Variants in NRG3 observed in about 807,000 individuals in gnomAD.
NRG3 encodes neuregulin 3, also known as pro-neuregulin-3, membrane-bound isoform.
Under a neutral mutation model 66.9 loss-of-function variants are expected in NRG3, and 31 were observed. The ratio of observed to expected loss-of-function variants is 0.46; its 90% CI spans 0.35 to 0.63. NRG3 has a LOEUF of 0.63. Among genes scored for constraint, NRG3 ranks in the 20% least tolerant of loss-of-function variants. NRG3 has a pLI of 0.00. For synonymous variants in NRG3, 393 were observed against 359.4 expected (o/e 1.09, Z -1.06); for missense variants, 910 against 878.9 (o/e 1.04, Z -0.45).
chr10:82,706,469 A>C lies in NRG3; in HGVS notation c.954-32108A>C, dbSNP rs558575202. On this transcript the variant is annotated intron_variant, in intron 2 of 8. Transcript: ENST00000372141. ...TAACAAAAATCATAGGCAACGTTAA[A>C]GCCTCTTGAACAAATTCTTTCTTCC... is the stretch of plus-strand genomic sequence containing the variant. 2.0e-5 allele frequency among the ~76,000 whole-genome samples: 3 copies of C among 152,338 alleles called. No homozygotes were observed. In the South Asian group the frequency reaches 6.2e-4, roughly 32 times the overall value.
chr10:82,303,190 A>T (rs1413800448), intron 1 of NRG3, among the ~76,000 whole-genome samples: 4 of 152,194 alleles, frequency 2.6e-5, no homozygotes, highest in African/African-American at 9.7e-5. Context: ...TCCACCTCAA[A>T]GCCTGGGTTT....
At chr10:82,168,571 A>C (rs1276025887) in intron 1 of NRG3, among the ~76,000 whole-genome samples, 1 of 152,176 alleles carries the variant, frequency 6.6e-6, no homozygotes, top group Admixed American at 6.5e-5. Flanking sequence ...TACCTAGAAT[A>C]GTGATCATGG....
chr10:82,031,845 A>G (rs2062583465), intron 1 of NRG3, among the ~76,000 whole-genome samples: 1 of 152,104 alleles, frequency 6.6e-6, no homozygotes, highest in South Asian at 2.1e-4. Context: ...CCCCACAAGT[A>G]GACTTTGGCC....
chr10:82,542,367 G>A (rs977548428), intron 2 of NRG3, among the ~76,000 whole-genome samples: 8 of 152,206 alleles, frequency 5.3e-5, no homozygotes, highest in African/African-American at 1.7e-4. Flanking sequence ...GGGACATATA[G>A]AGGAGAGTCA....
chr10:82,307,257 T>C (rs1162127015), intron 1 of NRG3, among the ~76,000 whole-genome samples: 1 of 152,200 alleles, frequency 6.6e-6, no homozygotes, highest in South Asian at 2.1e-4. Context: ...TTATTTATTC[T>C]TTTCCATATT....
chr10:82,362,079 CAAAAAAAAAAAAAAAAAA>C (rs58975630), intron 2 of NRG3, among the ~76,000 whole-genome samples: 2 of 13,914 alleles, frequency 1.4e-4, no homozygotes, highest in Non-Finnish European at 1.8e-4. Context: ...AAAGTACATG[CAAAAAAAAAAAAAAAAAA>C]AAAAAAAAAA....
intron 1 of NRG3, among the ~76,000 whole-genome samples, chr10:82,108,527 T>A (rs1262207252): frequency 6.6e-6 from 1 of 152,214 alleles, no homozygotes; most frequent in Non-Finnish European, 1.5e-5. Flanking sequence ...CATGAAGCTT[T>A]GCTAATTAAA....
intron 2 of NRG3, among the ~76,000 whole-genome samples, chr10:82,665,734 G>A (rs1271328719): frequency 1.3e-5 from 2 of 152,060 alleles, no homozygotes; most frequent in African/African-American, 2.4e-5. Flanking sequence ...AGAGTGCGAA[G>A]AACATTTCTG....
chr10:82,197,171 A>G (rs1315813418), intron 1 of NRG3, among the ~76,000 whole-genome samples: 1 of 152,198 alleles, frequency 6.6e-6, no homozygotes, highest in Non-Finnish European at 1.5e-5. Flanking sequence ...TGGGAGGCAG[A>G]AACTTCATTG....
chr10:82,458,497 A>C (rs1325918781), intron 2 of NRG3, among the ~76,000 whole-genome samples: 2 of 152,136 alleles, frequency 1.3e-5, no homozygotes, highest in Non-Finnish European at 2.9e-5. Flanking sequence ...CACTGACAAA[A>C]AGAAAAGTCA....
At chr10:82,401,574 G>A (rs2087109316) in intron 2 of NRG3, among the ~76,000 whole-genome samples, 1 of 151,990 alleles carries the variant, frequency 6.6e-6, no homozygotes, top group African/African-American at 2.4e-5. Flanking sequence ...TCTTACATGA[G>A]GGGCACCCGG....
At chr10:82,881,816 C>T (rs1842328597) in intron 4 of NRG3, among the ~76,000 whole-genome samples, 1 of 152,168 alleles carries the variant, frequency 6.6e-6, no homozygotes, top group African/African-American at 2.4e-5. Context: ...TCTTGACATA[C>T]AGGCATTCAA....
At chr10:82,353,524 G>A (rs2083564650) in intron 1 of NRG3, among the ~76,000 whole-genome samples, 1 of 152,064 alleles carries the variant, frequency 6.6e-6, no homozygotes, top group African/African-American at 2.4e-5. Flanking sequence ...TACGTGATGT[G>A]GAAAGAATAG....
At chr10:82,936,547 G>A (rs1224040376) in intron 4 of NRG3, among the ~76,000 whole-genome samples, 1 of 152,084 alleles carries the variant, frequency 6.6e-6, no homozygotes, top group Non-Finnish European at 1.5e-5. Flanking sequence ...GTGCAGCAGG[G>A]CAGCTATAGT....
At chr10:82,566,737 T>C (rs1352488146) in intron 2 of NRG3, among the ~76,000 whole-genome samples, 2 of 151,966 alleles carry the variant, frequency 1.3e-5, no homozygotes, top group East Asian at 3.9e-4. Flanking sequence ...TGTTTGGACC[T>C]GAGAATTGGT....
At position 81,875,492 on chromosome 10, in the gene NRG3, A is replaced by T. The variant is rs1402018569; in HGVS notation, c.152A>T (p.Glu51Val). 23 of 1,551,340 alleles carry T rather than the reference A, an allele frequency of 1.5e-5. No homozygotes were observed. The highest frequency in any genetic ancestry group is 1.9e-5 in the Non-Finnish European group (22 of 1,144,994). Residue 51 changes from glutamate (E) to valine (V), a missense_variant, in exon 1 of 9, where the codon GAG becomes GTG. Coordinates refer to ENST00000372141, the MANE Select transcript of NRG3 (RefSeq NM_001010848.4). The surrounding 1 kb of genome is among the most constrained non-coding windows in gnomAD (Gnocchi z 5.3). ...GAAGGGGCGGCCGAGCCCCCCCGGG[A>T]GTTACGCTGTAGCGACTGCATCGTG... ...GGEGAAEPPRELRCSDCIVWN... is the reference protein window; with the variant it reads ...GGEGAAEPPRVLRCSDCIVWN...
At chr10:82,425,459 T>G (rs1159985631) in intron 2 of NRG3, among the ~76,000 whole-genome samples, 4 of 152,122 alleles carry the variant, frequency 2.6e-5, no homozygotes, top group Non-Finnish European at 5.9e-5. Flanking sequence ...TGCTTTTGTA[T>G]GTTGTCCTTT....
chr10:81,886,428 T>C (rs1410275677), intron 1 of NRG3, among the ~76,000 whole-genome samples: 1 of 152,144 alleles, frequency 6.6e-6, no homozygotes. Context: ...TAAACATAAG[T>C]CACTTTAAAA....
intron 1 of NRG3, among the ~76,000 whole-genome samples, chr10:82,170,654 G>GTA (rs370773918): frequency 0.03 from 2,175 of 73,608 alleles, 26 homozygotes; most frequent in Non-Finnish European, 0.036. Context: ...AAAACTTGTG[G>GTA]TATATATATA....
Sources: gnomAD v4.1 joint callset for allele counts (sites outside exome capture counted in the v4.1 genomes callset) on GRCh38, gnomAD v4.1.1 for gene constraint, Gnocchi (gnomAD v3.1) non-coding constraint, MANE v1.5 for transcripts, NCBI Gene and HGNC (gene_info 2026-07-23, HGNC 2026-07-21) for gene names.